The following UBE2E2 variants were observed in gnomAD, a reference collection of about 807,000 sequenced individuals.
UBE2E2 encodes ubiquitin-conjugating enzyme E2 E2.
In UBE2E2, 6 loss-of-function variants were observed where a neutral mutation model predicts 24.7. The ratio of observed to expected loss-of-function variants is 0.24; its 90% confidence interval spans 0.13 to 0.48. The LOEUF (loss-of-function observed/expected upper bound fraction) is 0.48. Ranked by LOEUF, UBE2E2 falls within the 20% of genes least tolerant of loss-of-function variation. The pLI is 0.99. For missense variants in UBE2E2, 169 were observed against 245.0 expected, an observed-to-expected ratio of 0.69 and a Z score of 2.07; for synonymous variants, 104 against 83.6, an observed-to-expected ratio of 1.24 and a Z score of -1.33.
chr3:23,301,542 G>T (rs1699092526), intron 3 of UBE2E2, among the ~76,000 whole-genome samples: 1 of 152,146 alleles, frequency 6.6e-6, no homozygotes, highest in Admixed American at 6.5e-5. Flanking sequence ...TTTGCTAGAG[G>T]TCCACTCCAG....
At chr3:23,561,050 T>C (rs545754953) in intron 5 of UBE2E2, among the ~76,000 whole-genome samples, 2 of 152,246 alleles carry the variant, frequency 1.3e-5, no homozygotes, top group Non-Finnish European at 2.9e-5. Flanking sequence ...TTTCTTTTGC[T>C]GTGCAGAAGC....
intron 5 of UBE2E2, among the ~76,000 whole-genome samples, chr3:23,559,173 A>C (rs68093882): frequency 0.23 from 34,427 of 152,144 alleles, 3,961 homozygotes; most frequent in Non-Finnish European, 0.26. Flanking sequence ...GGTTATCCCT[A>C]GAGAAATAAT....
intron 3 of UBE2E2, among the ~76,000 whole-genome samples, chr3:23,349,918 G>T (rs1695684816): frequency 6.6e-6 from 1 of 152,232 alleles, no homozygotes; most frequent in African/African-American, 2.4e-5. Flanking sequence ...TCTGAGAACG[G>T]GCAGACTGCC....
chr3:23,418,936 T>A (rs1451780290), intron 3 of UBE2E2, among the ~76,000 whole-genome samples: 1 of 150,270 alleles, frequency 6.7e-6, no homozygotes, highest in African/African-American at 2.5e-5. Context: ...GTCTTTCTGA[T>A]TTTTCTTTCA....
chr3:23,587,414 A>G (rs1233917732), intron 5 of UBE2E2, among the ~76,000 whole-genome samples: 3 of 152,244 alleles, frequency 2.0e-5, no homozygotes, highest in African/African-American at 4.8e-5. Context: ...GAGGTGGAAC[A>G]TATAAGTCAG....
At chr3:23,455,698 G>T (rs750064621) in intron 3 of UBE2E2, among the ~76,000 whole-genome samples, 15 of 152,024 alleles carry the variant, frequency 9.9e-5, no homozygotes, top group Non-Finnish European at 1.9e-4. Context: ...CTCTTAAAAA[G>T]AAAAATAAGA....
At chr3:23,422,554 G>C (rs1200523444) in intron 3 of UBE2E2, among the ~76,000 whole-genome samples, 1 of 152,156 alleles carries the variant, frequency 6.6e-6, no homozygotes, top group African/African-American at 2.4e-5. Flanking sequence ...TTTGTGACCT[G>C]GGTGATGCTG....
At chr3:23,293,591 A>T (rs1425473912) in intron 3 of UBE2E2, among the ~76,000 whole-genome samples, 1 of 152,216 alleles carries the variant, frequency 6.6e-6, no homozygotes, top group Admixed American at 6.5e-5. Flanking sequence ...ACTGAAGTAT[A>T]AGAATTAATT....
intron 3 of UBE2E2, among the ~76,000 whole-genome samples, chr3:23,423,482 C>G (rs567834669): frequency 1.3e-5 from 2 of 152,048 alleles, no homozygotes; most frequent in Admixed American, 6.5e-5. Flanking sequence ...TCTCTCATAA[C>G]CCTTGTTTTA....
chr3:23,416,212 C>A (rs904385982), intron 3 of UBE2E2, among the ~76,000 whole-genome samples: 1 of 152,148 alleles, frequency 6.6e-6, no homozygotes, highest in Non-Finnish European at 1.5e-5. Flanking sequence ...CATACGTGTG[C>A]ATGTGTCTTA....
chr3:23,416,838 A>G (rs1029429224), intron 3 of UBE2E2, among the ~76,000 whole-genome samples: 5 of 152,048 alleles, frequency 3.3e-5, no homozygotes, highest in Non-Finnish European at 7.4e-5. Context: ...TGCTTGATCA[A>G]TTCGGCTATT....
At chr3:23,501,879 C>T (rs1338192346) in intron 4 of UBE2E2, among the ~76,000 whole-genome samples, 2 of 151,792 alleles carry the variant, frequency 1.3e-5, no homozygotes, top group Non-Finnish European at 2.9e-5. Flanking sequence ...AATCCCTCCA[C>T]ATAATGAATT....
chr3:23,498,497 G>T (rs1317214587), intron 3 of UBE2E2, among the ~76,000 whole-genome samples: 2 of 152,130 alleles, frequency 1.3e-5, no homozygotes, highest in African/African-American at 2.4e-5. Flanking sequence ...GAATTATGAT[G>T]AATCAATTTG....
chr3:23,417,734 T>G (rs1336319109), intron 3 of UBE2E2, among the ~76,000 whole-genome samples: 1 of 152,204 alleles, frequency 6.6e-6, no homozygotes, highest in Non-Finnish European at 1.5e-5. Context: ...CTGCTGCCTT[T>G]CTTTCAGAGA....
rs1052056086 is a variant in UBE2E2, at chr3:23,274,249, G to C, written c.227+56937G>C. ...TTTAAGTTATGAAACTCATATTGTT[G>C]AAGAAATACCTGGATTCATTAAGAA... On this transcript the variant is annotated intron_variant, in intron 3 of 5. Coordinates refer to ENST00000396703, the MANE Select transcript of UBE2E2 (RefSeq NM_152653.4). Among the ~76,000 whole-genome samples, 3 of 152,038 alleles carry C rather than the reference G, an allele frequency of 2.0e-5. No individual in the cohort carries two copies. In the South Asian group the frequency reaches 6.2e-4, roughly 32 times the overall value.
At chr3:23,415,602 G>GTTA (rs1697604994) in intron 3 of UBE2E2, among the ~76,000 whole-genome samples, 1 of 152,194 alleles carries the variant, frequency 6.6e-6, no homozygotes, top group Admixed American at 6.5e-5. Context: ...GAAATCAGCA[G>GTTA]TTAGTTTTTA....
chr3:23,573,928 A>T (rs1303613829), intron 5 of UBE2E2, among the ~76,000 whole-genome samples: 1 of 152,186 alleles, frequency 6.6e-6, no homozygotes, highest in East Asian at 1.9e-4. Flanking sequence ...ATGATGACAC[A>T]CTGTCATTGA....
chr3:23,466,550 GTTTTGT>G (rs143269925), intron 3 of UBE2E2, among the ~76,000 whole-genome samples: 23,666 of 151,546 alleles, frequency 0.16, 1,849 homozygotes, highest in East Asian at 0.23. Context: ...CCCAGAGTCT[GTTTTGT>G]TTTTGTTTTT....
chr3:23,491,706 TG>T (rs1187625178), intron 3 of UBE2E2, among the ~76,000 whole-genome samples: 1 of 152,202 alleles, frequency 6.6e-6, no homozygotes, highest in Non-Finnish European at 1.5e-5. Context: ...CAAAGGACTT[TG>T]GGCTTGATCG....
Sources: gnomAD v4.1 joint callset for allele counts (sites outside exome capture counted in the v4.1 genomes callset) on GRCh38, gnomAD v4.1.1 for gene constraint, MANE v1.5 for transcripts, NCBI Gene and HGNC (gene_info 2026-07-23, HGNC 2026-07-21) for gene names.